The following PCDHA1 variants were observed in gnomAD, a reference collection of about 807,000 sequenced individuals.
PCDHA1 encodes protocadherin alpha 1.
PCDHA1 carries 42 observed loss-of-function variants against 61.3 expected under a neutral mutation model. The ratio of observed to expected loss-of-function variants is 0.69; its 90% CI spans 0.54 to 0.89. The LOEUF (loss-of-function observed/expected upper bound fraction) is 0.89, where lower values mean the gene tolerates loss of function less well. Ranked by LOEUF, PCDHA1 falls within the 40% of genes least tolerant of loss-of-function variation. The probability of loss-of-function intolerance (pLI) is 0.00; values close to 1 mark genes in which losing one functional copy is unlikely to be tolerated. For synonymous variants in PCDHA1, 610 were observed against 553.8 expected (o/e 1.10, Z -1.43); for missense variants, 1,256 against 1,235.3 (o/e 1.02, Z -0.25).
intron 1 of PCDHA1, chr5:140,795,983 T>C: frequency 6.2e-7 from 1 of 1,614,136 alleles, no homozygotes; most frequent in Non-Finnish European, 8.5e-7. Context: ...TCATTAAAAC[T>C]TGTGGACATC....
At chr5:140,996,836 C>T (rs1247616398) in intron 3 of PCDHA1, among the ~76,000 whole-genome samples, 43 of 152,096 alleles carry the variant, frequency 2.8e-4, no homozygotes, top group African/African-American at 1.0e-3. Flanking sequence ...AATAATTTAG[C>T]GTGCATCTTC....
At chr5:140,857,413 G>A (rs979396078) in intron 1 of PCDHA1, 1 of 1,598,402 alleles carries the variant, frequency 6.3e-7, no homozygotes, top group African/African-American at 1.3e-5. Context: ...CTGCGTTCGC[G>A]CAGTCCGAGT....
intron 1 of PCDHA1, among the ~76,000 whole-genome samples, chr5:140,846,400 A>T (rs1581110513): frequency 9.9e-6 from 1 of 101,082 alleles, no homozygotes; most frequent in Non-Finnish European, 1.8e-5. Flanking sequence ...TTTGAGACGG[A>T]GTCTCGCTCT....
At chr5:140,920,794 A>G (rs1433275588) in intron 1 of PCDHA1, among the ~76,000 whole-genome samples, 2 of 151,776 alleles carry the variant, frequency 1.3e-5, no homozygotes, top group Admixed American at 6.6e-5. Flanking sequence ...CAGGGAACCA[A>G]GATCACGCCA....
chr5:140,797,041 C>T, intron 1 of PCDHA1: 1 of 1,613,740 alleles, frequency 6.2e-7, no homozygotes. Context: ...AGAGGCTACG[C>T]TGGTGGATGT....
chr5:140,950,820 AG>A (rs1429119954), intron 1 of PCDHA1, among the ~76,000 whole-genome samples: 2 of 152,088 alleles, frequency 1.3e-5, no homozygotes, highest in Non-Finnish European at 2.9e-5. Context: ...GTAGGGTTAA[AG>A]TTTGGTCCTT....
At chr5:140,955,043 T>C (rs1285355120) in intron 1 of PCDHA1, among the ~76,000 whole-genome samples, 1 of 152,176 alleles carries the variant, frequency 6.6e-6, no homozygotes, top group Non-Finnish European at 1.5e-5. Context: ...CTTTTCCTCA[T>C]TGCTTGTTTT....
intron 1 of PCDHA1, chr5:140,927,658 C>T (rs782350503): frequency 5.0e-6 from 8 of 1,614,094 alleles, no homozygotes; most frequent in Non-Finnish European, 6.8e-6. Context: ...ATTCCGAGTT[C>T]AAGCCTTGGA....
At chr5:140,884,293 G>A in intron 1 of PCDHA1, 2 of 1,613,666 alleles carry the variant, frequency 1.2e-6, no homozygotes, top group Non-Finnish European at 1.7e-6. Flanking sequence ...GCGGCCAAGC[G>A]CCACAGGCTT....
intron 1 of PCDHA1, chr5:140,801,741 G>T: frequency 6.2e-7 from 1 of 1,613,948 alleles, no homozygotes; most frequent in South Asian, 1.1e-5. Context: ...TACCTTGGAC[G>T]TTAAAAGAAA....
Position 140,786,431 on chromosome 5 carries a change from C to G in PCDHA1, c.141C>G (p.Arg47=), listed in dbSNP as rs1459837603. The G allele has an allele frequency of 1.9e-6, 3 of 1,613,350 alleles. No homozygotes were observed. Among genetic ancestry groups the G allele is most frequent in the African/African-American group, 2.7e-5 (2 of 74,934 alleles). The change falls in exon 1 of 4, where the codon CGC becomes CGG. Residue 47 remains arginine, a synonymous_variant. Transcript: ENST00000504120. ...CCAAACACGGCACCTTCGTTGGCCG[C>G]GTTGCTCAGGACCTGGGACTGGAGC... ...EEAKHGTFVG[R]VAQDLGLELA... is the part of the protein sequence containing the mutation.
intron 1 of PCDHA1, chr5:140,928,707 C>T: frequency 6.2e-7 from 1 of 1,614,184 alleles, no homozygotes; most frequent in South Asian, 1.1e-5. Flanking sequence ...GGGCGTCTGA[C>T]TCTAGTCTCT....
intron 1 of PCDHA1, among the ~76,000 whole-genome samples, chr5:140,907,507 T>C (rs1358466312): frequency 2.0e-5 from 3 of 152,230 alleles, no homozygotes; most frequent in Admixed American, 6.5e-5. Context: ...TAAGTGTCTA[T>C]TCCAGTGAGG....
At chr5:140,966,989 G>C (rs879989091) in intron 1 of PCDHA1, 7 of 1,604,030 alleles carry the variant, frequency 4.4e-6, no homozygotes, top group Non-Finnish European at 5.1e-6. Context: ...CTTGGGGCCG[G>C]GTTGCTTGCG....
intron 1 of PCDHA1, among the ~76,000 whole-genome samples, chr5:140,969,768 T>G (rs1250957386): frequency 1.3e-5 from 2 of 152,198 alleles, no homozygotes; most frequent in Admixed American, 1.3e-4. Context: ...CTCTGAGGCC[T>G]CTAGGGGCTA....
chr5:140,941,202 C>CTTTCTTTCTTT (rs1554213921), intron 1 of PCDHA1, among the ~76,000 whole-genome samples: 2,980 of 122,772 alleles, frequency 0.024, 108 homozygotes, highest in East Asian at 0.062. Context: ...TTTCTTTCTT[C>CTTTCTTTCTTT]CTTTCTTTCT....
intron 1 of PCDHA1, among the ~76,000 whole-genome samples, chr5:140,965,508 T>C (rs1278735339): frequency 6.6e-6 from 1 of 152,124 alleles, no homozygotes; most frequent in Non-Finnish European, 1.5e-5. Context: ...TTTTTTTTTT[T>C]TTTAACTGCA....
intron 1 of PCDHA1, chr5:140,797,462 C>A: frequency 7.9e-7 from 1 of 1,265,180 alleles, no homozygotes; most frequent in Non-Finnish European, 1.1e-6. Context: ...TTTATATCAT[C>A]CTACCGTGCG....
chr5:140,828,214 C>T (rs1161769031), intron 1 of PCDHA1: 8 of 1,614,030 alleles, frequency 5.0e-6, no homozygotes, highest in African/African-American at 4.0e-5. Context: ...AGGCCAAACA[C>T]GGCACCTTCG....
Sources: gnomAD v4.1 joint callset for allele counts (sites outside exome capture counted in the v4.1 genomes callset) on GRCh38, gnomAD v4.1.1 for gene constraint, MANE v1.5 for transcripts, NCBI Gene and HGNC (gene_info 2026-07-23, HGNC 2026-07-21) for gene names.